Variants in PIK3R3 observed in about 807,000 individuals in gnomAD.
The protein encoded by PIK3R3 is phosphoinositide-3-kinase regulatory subunit 3.
A neutral mutation model predicts 62.9 loss-of-function variants in PIK3R3; 64 were observed. The observed-to-expected ratio is 1.02, with a 90% CI of 0.83 to 1.25. The LOEUF (loss-of-function observed/expected upper bound fraction) is 1.25. PIK3R3 is among the 50% of genes most tolerant of loss of function. PIK3R3 has a pLI of 0.00. For missense variants in PIK3R3, 614 were observed against 561.6 expected (o/e 1.09, Z -0.94); for synonymous variants, 165 against 189.0 (o/e 0.87, Z 1.04).
chr1:46,106,272 T>TTGTG (rs111313424), intron 1 of PIK3R3, among the ~76,000 whole-genome samples: 2 of 151,432 alleles, frequency 1.3e-5, no homozygotes, highest in African/African-American at 2.4e-5. Flanking sequence ...CCAGCTAATT[T>TTGTG]TGTGTGTGTG....
chr1:46,077,671 T>C (rs1257843894), intron 2 of PIK3R3, 58 bp from the exon 3 acceptor site: 2 of 1,021,314 alleles, frequency 2.0e-6, no homozygotes, highest in Non-Finnish European at 3.1e-6. Context: ...GCTTCGGCAG[T>C]AGGTGTGCCT....
chr1:46,146,080 T>G, the PIK3R3 span, among the ~76,000 whole-genome samples: 1 of 152,230 alleles, frequency 6.6e-6, no homozygotes, highest in Non-Finnish European at 1.5e-5. Flanking sequence ...CTCTTTTTCA[T>G]GTCTAACGGG....
chr1:46,130,488 C>A (rs1655486695), intron 1 of PIK3R3, among the ~76,000 whole-genome samples: 1 of 151,776 alleles, frequency 6.6e-6, no homozygotes, highest in Non-Finnish European at 1.5e-5. Context: ...GAAAAAAATT[C>A]TAAGTGATCA....
intron 1 of PIK3R3, among the ~76,000 whole-genome samples, chr1:46,083,132 A>T (rs1439344737): frequency 2.0e-5 from 3 of 152,170 alleles, no homozygotes; most frequent in Non-Finnish European, 4.4e-5. Flanking sequence ...TTCAACATGG[A>T]TGTCAAAATA....
chr1:46,115,821 C>A (rs1223586856), intron 1 of PIK3R3, among the ~76,000 whole-genome samples: 2 of 152,222 alleles, frequency 1.3e-5, no homozygotes, highest in African/African-American at 4.8e-5. Flanking sequence ...TTCATAGCTT[C>A]TTTTCTTTGC....
At chr1:46,104,294 G>T (rs1290695158) in intron 1 of PIK3R3, among the ~76,000 whole-genome samples, 1 of 152,208 alleles carries the variant, frequency 6.6e-6, no homozygotes, top group Non-Finnish European at 1.5e-5. Context: ...TGTTCTGGTA[G>T]ATTTTTTAAA....
chr1:46,067,087 C>A lies in PIK3R3; in HGVS notation c.319G>T (p.Gly107Ter). ...QGDYTLTLRK[G>*]GNNKLIKIYH... ...ATCTTTATTAACTTATTATTGCCTC[C>A]CTTCCTGTGAACAACAAGACAACAA... Residue 107 changes from glycine to a stop codon, truncating the protein, a stop_gained, in exon 4 of 10, where the codon GGA becomes TGA. Coordinates refer to ENST00000262741, the MANE Select transcript of PIK3R3 (RefSeq NM_003629.4). LOFTEE classifies it high-confidence loss of function. 6.4e-7 allele frequency: 1 copy of A among 1,554,354 alleles called. No homozygotes were observed. The highest frequency in any genetic ancestry group is 1.2e-5 in the South Asian group (1 of 81,588).
At chr1:46,064,279 G>A (rs931453157) in intron 5 of PIK3R3, among the ~76,000 whole-genome samples, 116 of 152,036 alleles carry the variant, frequency 7.6e-4, no homozygotes, top group African/African-American at 2.8e-3. Flanking sequence ...GGTGGCTCAC[G>A]CCTGTAATCC....
intron 3 of PIK3R3, among the ~76,000 whole-genome samples, chr1:46,077,049 T>A (rs750319186): frequency 1.2e-4 from 19 of 152,190 alleles, no homozygotes; most frequent in Non-Finnish European, 2.6e-4. Context: ...ATCCATCACT[T>A]AAAAGACTCT....
chr1:46,172,573 C>T, the PIK3R3 span, among the ~76,000 whole-genome samples: 2 of 152,148 alleles, frequency 1.3e-5, no homozygotes, highest in South Asian at 2.1e-4. Context: ...ACCTGTAGTA[C>T]CAGCTACTTG....
At chr1:46,076,392 G>A (rs1356350837) in intron 3 of PIK3R3, among the ~76,000 whole-genome samples, 1 of 152,232 alleles carries the variant, frequency 6.6e-6, no homozygotes, top group Non-Finnish European at 1.5e-5. Context: ...CTAAGAAGAA[G>A]TGTCTATGAC....
At chr1:46,071,711 A>AAAAAAAAAACAT (rs1649513915) in intron 3 of PIK3R3, among the ~76,000 whole-genome samples, 1 of 63,820 alleles carries the variant, frequency 1.6e-5, no homozygotes, top group African/African-American at 8.1e-5. Flanking sequence ...AAAAAAAAAA[A>AAAAAAAAAACAT]AATATATATA....
the PIK3R3 span, among the ~76,000 whole-genome samples, chr1:46,151,359 T>C: frequency 9.9e-5 from 15 of 152,268 alleles, no homozygotes; most frequent in African/African-American, 3.6e-4. Flanking sequence ...GTTGGTGCTT[T>C]TATGGCTGCC....
At chr1:46,046,474 T>C (rs1426915823) in intron 8 of PIK3R3, 77 bp downstream of exon 8, 1 of 955,882 alleles carries the variant, frequency 1.0e-6, no homozygotes, top group Non-Finnish European at 1.7e-6. Flanking sequence ...ACAACCAATA[T>C]TTACCACGTA....
At chr1:46,090,075 C>G (rs1369508645) in intron 1 of PIK3R3, among the ~76,000 whole-genome samples, 2 of 152,156 alleles carry the variant, frequency 1.3e-5, no homozygotes, top group Non-Finnish European at 2.9e-5. Flanking sequence ...TGATTTTGTA[C>G]TATAAACCTT....
chr1:46,090,246 A>G (rs1651486173), intron 1 of PIK3R3, among the ~76,000 whole-genome samples: 1 of 152,168 alleles, frequency 6.6e-6, no homozygotes. Context: ...TTCAACTTGT[A>G]CAGGCTAGTG....
rs1168867798 is a variant in PIK3R3 at position 46,045,905 on chromosome 1, A to G, written c.1187+13T>C. 1 of 1,605,590 alleles carries G rather than the reference A, an allele frequency of 6.2e-7. No homozygotes were observed. The highest frequency in any genetic ancestry group is 1.1e-5 in the South Asian group (1 of 90,572). On this transcript the variant is annotated intron_variant, in intron 9 of 9. Transcript: ENST00000262741. ...AAAGATTTCAAAAGGTTATATCCCCAGAGAAGACTTACACCACAGAGCAAG... is the reference window on the plus strand; with the variant it reads ...AAAGATTTCAAAAGGTTATATCCCCGGAGAAGACTTACACCACAGAGCAAG...
At chr1:46,122,663 C>T (rs964088167) in intron 1 of PIK3R3, among the ~76,000 whole-genome samples, 10 of 152,088 alleles carry the variant, frequency 6.6e-5, no homozygotes, top group Non-Finnish European at 1.0e-4. Context: ...CCACCGCGCC[C>T]GGCCTATTCA....
intron 6 of PIK3R3, among the ~76,000 whole-genome samples, chr1:46,059,900 G>T (rs1648312720): frequency 6.6e-6 from 1 of 152,032 alleles, no homozygotes; most frequent in Non-Finnish European, 1.5e-5. Flanking sequence ...AGGAGCTCAG[G>T]ACCAGCCTGG....
Sources: gnomAD v4.1 joint callset for allele counts (sites outside exome capture counted in the v4.1 genomes callset) on GRCh38, gnomAD v4.1.1 for gene constraint, MANE v1.5 for transcripts, NCBI Gene and HGNC (gene_info 2026-07-23, HGNC 2026-07-21) for gene names.